Variants in GLS2 observed in about 807,000 individuals in gnomAD.
GLS2 encodes the protein glutaminase 2.
In GLS2, 52 loss-of-function variants were observed where a neutral mutation model predicts 79.0. The ratio of observed to expected loss-of-function variants is 0.66; its 90% CI spans 0.53 to 0.83. The LOEUF (loss-of-function observed/expected upper bound fraction) is 0.83, where lower values mean the gene tolerates loss of function less well. GLS2 is among the 40% of genes least tolerant of loss of function. GLS2 has a pLI of 0.00. For missense variants in GLS2, 561 were observed against 764.8 expected (o/e 0.73, Z 3.14); for synonymous variants, 238 against 280.8 (o/e 0.85, Z 1.52).
chr12:56,479,396 G>A, intron 3 of GLS2: 1 of 515,164 alleles, frequency 1.9e-6, no homozygotes, highest in Non-Finnish European at 3.3e-6. Flanking sequence ...ACTATGTCTT[G>A]GGATATGAGA....
intron 1 of GLS2, among the ~76,000 whole-genome samples, chr12:56,486,163 A>G (rs1402189234): frequency 6.6e-6 from 1 of 152,134 alleles, no homozygotes; most frequent in African/African-American, 2.4e-5. Flanking sequence ...TCACACTGCC[A>G]GAGCACATCA....
intron 12 of GLS2, chr12:56,474,272 A>T: frequency 2.4e-6 from 1 of 416,162 alleles, no homozygotes; most frequent in South Asian, 2.2e-5. Context: ...TGTATTTAGT[A>T]GAGATGGGGT....
chr12:56,482,678 C>G (rs1870388325), intron 1 of GLS2, among the ~76,000 whole-genome samples: 1 of 152,214 alleles, frequency 6.6e-6, no homozygotes, highest in Non-Finnish European at 1.5e-5. Flanking sequence ...AAGTATCTCT[C>G]TGGCTTATAA....
chr12:56,479,322 T>C, intron 3 of GLS2, 141 bp from the exon 4 acceptor site: 1 of 1,043,860 alleles, frequency 9.6e-7, no homozygotes, highest in East Asian at 2.7e-5. Context: ...GGCAAATCAG[T>C]TTACCTTTCT....
intron 1 of GLS2, among the ~76,000 whole-genome samples, chr12:56,483,374 C>T (rs143214536): frequency 8.4e-4 from 128 of 152,186 alleles, no homozygotes; most frequent in African/African-American, 3.0e-3. Context: ...CCACCGCGCC[C>T]GGCCCTCATC....
Position 56,476,029 on chromosome 12 carries a change from G to C in GLS2, c.838-52C>G, listed in dbSNP as rs759803085. The stretch of plus-strand genomic sequence containing the variant: ...ATTCTAAGTGTAGGAGGATGACAGA[G>C]GGAAGGGTCAGAAGGATCTAGTGGA... On this transcript the variant is annotated intron_variant, in intron 7 of 17. Coordinates refer to ENST00000311966, the MANE Select transcript of GLS2 (RefSeq NM_013267.4). The C allele has an allele frequency of 1.3e-4, 203 of 1,574,506 alleles. 1 individual carries two copies. The Admixed American group carries it at 1.4e-3, about 11-fold the overall frequency.
chr12:56,479,448 G>T, intron 3 of GLS2: 1 of 399,872 alleles, frequency 2.5e-6, no homozygotes, highest in Non-Finnish European at 4.4e-6. Flanking sequence ...ATGTTACCTT[G>T]ATATTTAAAA....
intron 12 of GLS2, chr12:56,474,331 C>G: frequency 1.7e-6 from 1 of 579,128 alleles, no homozygotes; most frequent in Non-Finnish European, 3.0e-6. Flanking sequence ...TCAGGTGATC[C>G]ACCTGCCTCG....
intron 1 of GLS2, among the ~76,000 whole-genome samples, chr12:56,486,616 G>A (rs1870707338): frequency 6.6e-6 from 1 of 152,164 alleles, no homozygotes; most frequent in Non-Finnish European, 1.5e-5. Flanking sequence ...TGAGGCAGGC[G>A]GATCACCTGA....
rs1870133255 is a variant in GLS2 at position 56,479,763 on chromosome 12, G to C, written c.404+17C>G. ...ACAGTTTTCAGAGAGCAGTGCCCTTGTTTCTGGGGCCCTCACTTTCGGAAG... is the reference window on the plus strand; with the variant it reads ...ACAGTTTTCAGAGAGCAGTGCCCTTCTTTCTGGGGCCCTCACTTTCGGAAG... On this transcript the variant is annotated intron_variant, in intron 3 of 17. Coordinates refer to ENST00000311966, the MANE Select transcript of GLS2 (RefSeq NM_013267.4). 1 of 1,588,892 alleles carries C rather than the reference G, an allele frequency of 6.3e-7. No individual in the cohort carries two copies. Among genetic ancestry groups the C allele is most frequent in the Non-Finnish European group, 8.6e-7 (1 of 1,163,578 alleles).
rs888122953 is a variant in GLS2 at position 56,480,210 on chromosome 12, C to A, written c.282+78G>T. The stretch of plus-strand genomic sequence containing the variant: ...ATGTAGCAACCCATTAGCTGCCCTG[C>A]ACTTGTCATACCCTCCTTTCCCCAC... On this transcript the variant is annotated intron_variant, in intron 2 of 17. Coordinates refer to ENST00000311966, the MANE Select transcript of GLS2 (RefSeq NM_013267.4). 6 of 1,252,464 alleles carry A rather than the reference C, an allele frequency of 4.8e-6. No individual in the cohort carries two copies. The African/African-American group carries it at 7.3e-5, about 15-fold the overall frequency. The allele number at this position is 1,252,464 out of a possible 1,614,324, so 77.6% of individuals were successfully genotyped here.
At chr12:56,484,440 T>C (rs1265309536) in intron 1 of GLS2, among the ~76,000 whole-genome samples, 2 of 152,120 alleles carry the variant, frequency 1.3e-5, no homozygotes, top group African/African-American at 4.8e-5. Context: ...AAAATAATAC[T>C]CAAACAGCTT....
In GLS2 at chr12:56,474,551, G is replaced by T. The variant is rs1391513393; in HGVS notation, c.1217C>A (p.Ala406Asp). Residue 406 changes from alanine (A) to aspartate (D), a missense_variant, in exon 12 of 18, where the codon GCC becomes GAC. Physicochemically the swap from Ala to Asp is moderately radical, Grantham distance 126. Around this residue, in one of 4 missense-constraint regions of GLS2, gnomAD observed 221 missense variants for 275.6 expected, o/e 0.80. Coordinates refer to ENST00000311966, the MANE Select transcript of GLS2 (RefSeq NM_013267.4). ...CGMYDFSGQF[A>D]FHVGLPAKSA... ...GCAGAGCCAGAAACTCACGTGGAAG[G>T]CAAACTGGCCAGAGAAGTCATACAT... 6.2e-7 allele frequency: 1 copy of T among 1,613,886 alleles called. No individual in the cohort carries two copies. Among genetic ancestry groups the T allele is most frequent in the Admixed American group, 1.7e-5 (1 of 60,028 alleles).
At chr12:56,480,517 A>G (rs1232457476) in intron 1 of GLS2, 130 bp from the exon 2 acceptor site, 4 of 687,270 alleles carry the variant, frequency 5.8e-6, no homozygotes, top group Non-Finnish European at 8.0e-6. Flanking sequence ...CATCTGATCT[A>G]TCCCTATAAA....
chr12:56,488,048 C>A lies in GLS2; in HGVS notation c.71G>T (p.Gly24Val). 2 of 1,588,800 alleles carry A rather than the reference C, an allele frequency of 1.3e-6. No homozygotes were observed. Among genetic ancestry groups the A allele is most frequent in the Non-Finnish European group, 1.7e-6 (2 of 1,174,612 alleles). The change falls in exon 1 of 18, where the codon GGT (glycine) becomes GTT (valine). Residue 24 changes from glycine (G) to valine (V), a missense_variant. Around this residue, in one of 4 missense-constraint regions of GLS2, gnomAD observed 161 missense variants for 167.8 expected, o/e 0.96. Transcript: ENST00000311966. ...AAGGAGGGGGCTCCGGCTCGGGTGA[C>A]CCCAGCCTCCTCGCCCGCAGTGACT... ...AGSHCGRGGW[G>V]HPSRSPLLGG...
rs1315482401 is a variant in GLS2, at chr12:56,473,545, A to G, written c.1274T>C (p.Val425Ala). 6.2e-7 allele frequency: 1 copy of G among 1,613,484 alleles called. No homozygotes were observed. The highest frequency in any genetic ancestry group is 1.1e-5 in the South Asian group (1 of 91,046). ...SAVSGAILLVVPNVMGMMCLS... is the reference protein window; with the variant it reads ...SAVSGAILLVAPNVMGMMCLS... ...GCACATCATTCCCATGACATTGGGT[A>G]CCACCAGGAGGATGGCTCCTGATAC... Residue 425 changes from valine (V) to alanine (A), a missense_variant, in exon 13 of 18, where the codon GTA becomes GCA. By Grantham distance (64) the Val-to-Ala change is moderately conservative. This residue lies in a region of GLS2 where 136 missense variants were observed against 228.6 expected (regional missense o/e 0.59). Coordinates refer to ENST00000311966, the MANE Select transcript of GLS2 (RefSeq NM_013267.4).
intron 1 of GLS2, chr12:56,487,603 G>A: frequency 2.5e-6 from 1 of 402,042 alleles, no homozygotes. Context: ...GAGGACTAGG[G>A]AAGGTGAGGA....
intron 1 of GLS2, among the ~76,000 whole-genome samples, chr12:56,481,887 A>G (rs1427098083): frequency 6.7e-6 from 1 of 149,340 alleles, no homozygotes; most frequent in East Asian, 2.0e-4. Flanking sequence ...GCAAAACTCC[A>G]TCTCAAAACA....
intron 14 of GLS2, 52 bp from the exon 15 acceptor site, chr12:56,472,803 C>A: frequency 2.0e-6 from 3 of 1,518,910 alleles, no homozygotes; most frequent in Non-Finnish European, 2.7e-6. Context: ...CCTATGCCAG[C>A]TGTGCCCTGT....
Sources: gnomAD v4.1 joint callset for allele counts (sites outside exome capture counted in the v4.1 genomes callset) on GRCh38, gnomAD v4.1.1 for gene constraint, gnomAD v4.1.1 regional missense constraint, MANE v1.5 for transcripts, NCBI Gene and HGNC (gene_info 2026-07-23, HGNC 2026-07-21) for gene names.